Variants in XPC observed in about 807,000 individuals in gnomAD.
XPC encodes XPC complex subunit, DNA damage recognition and repair factor.
In XPC, 76 loss-of-function variants were observed where a neutral mutation model predicts 95.8. The ratio of observed to expected loss-of-function variants is 0.79; its 90% CI spans 0.66 to 0.96. The LOEUF (loss-of-function observed/expected upper bound fraction) is 0.96, where lower values mean the gene tolerates loss of function less well. Among genes scored for constraint, XPC ranks in the 40% least tolerant of loss-of-function variants. The pLI, the probability that XPC is intolerant of heterozygous loss-of-function variation, is 0.00. For synonymous variants in XPC, 442 were observed against 442.1 expected, an observed-to-expected ratio of 1.00 and a Z score of 0.00; for missense variants, 1,146 against 1,179.8, an observed-to-expected ratio of 0.97 and a Z score of 0.42.
chr3:14,145,187 A>G lies in XPC; in HGVS notation c.*754T>C. 1.9e-6 allele frequency: 1 copy of G among 524,604 alleles called. No homozygotes were observed. The highest frequency in any genetic ancestry group is 3.4e-6 in the Non-Finnish European group (1 of 296,162). 32.5% of individuals were successfully genotyped at this position (524,604 alleles called of 1,614,324 possible). ...TATTATTTTCTCAAAATGTTATAAA[A>G]GTCATTTCTCCTTAGTACAGAGAGC... On this transcript the variant is annotated 3_prime_UTR_variant, in exon 16 of 16. Coordinates refer to ENST00000285021, the MANE Select transcript of XPC (RefSeq NM_004628.5).
Position 14,168,374 on chromosome 3 carries a change from C to G in XPC, c.419G>C (p.Ser140Thr). Reference sequence around the variant, plus strand: ...TCTCACGTCACCCAGCACAGGCTCACTAAGTTCTATCAACAAGCATTTTTA... The same window carrying G: ...TCTCACGTCACCCAGCACAGGCTCAGTAAGTTCTATCAACAAGCATTTTTA... ...ENDWEEVEEL[S>T]EPVLGDVRES... The change falls in exon 4 of 16, where the codon AGT becomes ACT. Residue 140 changes from serine to threonine, a missense_variant. Physicochemically the swap from Ser to Thr is moderately conservative, Grantham distance 58. Coordinates refer to ENST00000285021, the MANE Select transcript of XPC (RefSeq NM_004628.5). 1 of 1,613,840 alleles carries G rather than the reference C, an allele frequency of 6.2e-7. No individual in the cohort carries two copies. Among genetic ancestry groups the G allele is most frequent in the Non-Finnish European group, 8.5e-7 (1 of 1,179,830 alleles).
At position 14,164,797 on chromosome 3, in the gene XPC, C is replaced by A. The variant is rs1553606592; in HGVS notation, c.900+16G>T. 1 of 1,611,466 alleles carries A rather than the reference C, an allele frequency of 6.2e-7. No homozygotes were observed. The highest frequency in any genetic ancestry group is 8.5e-7 in the Non-Finnish European group (1 of 1,178,902). ...ACAGTACTGATAAAAAACAGTGATC[C>A]GGGAGGATCACTTACATGGACCAAT... On this transcript the variant is annotated intron_variant, in intron 7 of 15. Coordinates refer to ENST00000285021, the MANE Select transcript of XPC (RefSeq NM_004628.5).
intron 15 of XPC, 86 bp from the exon 16 acceptor site, chr3:14,146,245 A>C (rs1374285279): frequency 1.6e-6 from 2 of 1,258,656 alleles, no homozygotes; most frequent in Non-Finnish European, 2.2e-6. Context: ...GCAAGTTCCC[A>C]GCCTGCCCTA....
chr3:14,160,087 C>A lies in XPC; in HGVS notation c.901-257G>T, dbSNP rs566383120. Among the ~76,000 whole-genome samples the A allele has an allele frequency of 3.9e-5, 6 of 152,222 alleles. No homozygotes were observed. In the East Asian group the frequency reaches 9.6e-4, roughly 24 times the overall value. On this transcript the variant is annotated intron_variant, in intron 7 of 15. Transcript: ENST00000285021. Reference sequence around the variant, plus strand: ...TCCTTTAAAAAGTATGATGTGATTACATTTTTATAAGAAAAATATGTATAT... The same window carrying A: ...TCCTTTAAAAAGTATGATGTGATTAAATTTTTATAAGAAAAATATGTATAT...
chr3:14,176,016 T>C (rs1400868850), intron 1 of XPC, among the ~76,000 whole-genome samples: 1 of 152,190 alleles, frequency 6.6e-6, no homozygotes, highest in African/African-American at 2.4e-5. Context: ...TTACCTAACA[T>C]GGGTAAAGCT....
chr3:14,155,463 T>A (rs1403303044), intron 10 of XPC, among the ~76,000 whole-genome samples: 2 of 152,132 alleles, frequency 1.3e-5, no homozygotes, highest in Admixed American at 6.5e-5. Flanking sequence ...TAATTTTATA[T>A]ATATTTTATT....
At chr3:14,175,211 T>C (rs1418531105) in intron 1 of XPC, among the ~76,000 whole-genome samples, 1 of 152,156 alleles carries the variant, frequency 6.6e-6, no homozygotes, top group Non-Finnish European at 1.5e-5. Context: ...CTAGAACTCT[T>C]TTCCCCAGAA....
In XPC at chr3:14,158,593, A is replaced by G. The variant is rs1696032331; in HGVS notation, c.1290T>C (p.Tyr430=). The change falls in exon 9 of 16, where the codon TAT becomes TAC. Residue 430 remains tyrosine (Y), a synonymous_variant. Coordinates refer to ENST00000285021, the MANE Select transcript of XPC (RefSeq NM_004628.5). This position sits in a 1 kb window ranked among gnomAD's most constrained non-coding sequence, Gnocchi z 5.2. The part of the protein sequence containing the change: ...RERRVASRVS[Y]KEESGSDEAG... The stretch of plus-strand genomic sequence containing the variant: ...CCTCATCACTCCCACTCTCCTCTTT[A>G]TAAGACACCCTGGAGGCCACCCGCC... The G allele has an allele frequency of 3.7e-6, 6 of 1,613,500 alleles. No individual in the cohort carries two copies. The East Asian group carries it at 6.7e-5, about 18-fold the overall frequency.
rs1188035905 is a variant in XPC, at chr3:14,145,159, CTTTA to C, written c.*778_*781del. 6.1e-6 allele frequency: 3 copies of C among 492,652 alleles called. No individual in the cohort carries two copies. Among genetic ancestry groups the C allele is most frequent in the South Asian group, 6.4e-5 (2 of 31,294 alleles). The allele number at this position is 492,652 out of a possible 1,614,324, so 30.5% of individuals were successfully genotyped here. A position where few individuals can be genotyped will look rare whatever the true frequency, so the allele number is the denominator to read the frequency against. On this transcript the variant is annotated 3_prime_UTR_variant, in exon 16 of 16. Coordinates refer to ENST00000285021, the MANE Select transcript of XPC (RefSeq NM_004628.5). ...ATAGAGCCAAATCTTTAGATAAATG[CTTTA>C]TTATTTTCTCAAAATGTTATAAAAG... is the stretch of plus-strand genomic sequence containing the variant.
chr3:14,145,278 C>A lies in XPC; in HGVS notation c.*663G>T, dbSNP rs1481930741. The A allele has an allele frequency of 5.8e-6, 4 of 695,170 alleles. No individual in the cohort carries two copies. The highest frequency in any genetic ancestry group is 1.0e-5 in the Non-Finnish European group (4 of 382,176). 43.1% of individuals were successfully genotyped at this position (695,170 alleles called of 1,614,324 possible). A position where few individuals can be genotyped will look rare whatever the true frequency, so the allele number is the denominator to read the frequency against. On this transcript the variant is annotated 3_prime_UTR_variant, in exon 16 of 16. Transcript: ENST00000285021. ...CACTCATCTATTTTACTAACATTTC[C>A]TTAATTTTCAATTCGTATTTTTCCT...
chr3:14,174,022 T>G (rs115915381), intron 1 of XPC, among the ~76,000 whole-genome samples: 3,468 of 152,286 alleles, frequency 0.023, 124 homozygotes, highest in African/African-American at 0.078. Context: ...GGTATTTATA[T>G]TCCACAAGAA....
chr3:14,165,080 C>A, intron 6 of XPC, 147 bp from the exon 7 acceptor site: 1 of 1,271,604 alleles, frequency 7.9e-7, no homozygotes, highest in East Asian at 2.6e-5. Context: ...TAACTCCTAT[C>A]ATCACTGCAG....
chr3:14,166,976 C>T lies in XPC; in HGVS notation c.621+193G>A, dbSNP rs3731101. 2.0e-3 allele frequency among the ~76,000 whole-genome samples: 310 copies of T among 152,308 alleles called. 1 individual carries two copies. The highest frequency in any genetic ancestry group is 7.1e-3 in the African/African-American group (294 of 41,572). On this transcript the variant is annotated intron_variant, in intron 5 of 15. Transcript: ENST00000285021. ...AGGCATTGTGCTGCAAGTTACCTTA[C>T]CTATAATACACAACCACCCTCCAAG...
At position 14,167,257 on chromosome 3, in the gene XPC, C is replaced by A; in HGVS notation, c.537-4G>T. ...AAACTCCAGTTTTATCTTTTCACTGCAACAAATAGTGAAAAATCTGGGAAT... is the reference window on the plus strand; with the variant it reads ...AAACTCCAGTTTTATCTTTTCACTGAAACAAATAGTGAAAAATCTGGGAAT... On this transcript the variant is annotated splice_region_variant and splice_polypyrimidine_tract_variant and intron_variant, in intron 4 of 15. Coordinates refer to ENST00000285021, the MANE Select transcript of XPC (RefSeq NM_004628.5). 6.2e-7 allele frequency: 1 copy of A among 1,609,668 alleles called. No homozygotes were observed. Among genetic ancestry groups the A allele is most frequent in the Non-Finnish European group, 8.5e-7 (1 of 1,177,864 alleles).
chr3:14,146,895 CTG>C (rs879692212), intron 15 of XPC, among the ~76,000 whole-genome samples: 3 of 152,198 alleles, frequency 2.0e-5, no homozygotes, highest in Non-Finnish European at 4.4e-5. Context: ...ATGGCAGGTG[CTG>C]TGAGAGAGGT....
Position 14,156,329 on chromosome 3 carries a change from A to AGTG in XPC, c.2033+5_2033+6insCAC, listed in dbSNP as rs1695902778. 1 of 1,608,982 alleles carries AGTG rather than the reference A, an allele frequency of 6.2e-7. No individual in the cohort carries two copies. The highest frequency in any genetic ancestry group is 1.3e-5 in the African/African-American group (1 of 74,842). On this transcript the variant is annotated splice_donor_region_variant and intron_variant, in intron 10 of 15. Coordinates refer to ENST00000285021, the MANE Select transcript of XPC (RefSeq NM_004628.5). ...CCCCTGAGGCCAACCAGGCTGCCTC[A>AGTG]CGCACCTGGAGTAGACCGCTTCTCC...
chr3:14,158,766 C>T lies in XPC; in HGVS notation c.1117G>A (p.Ala373Thr). ...SKGTKQEETF[A>T]KGTCRPSAKG... ...GCACTTGGCCTGCAGGTGCCCTTAGCAAAGGTTTCCTCTTGTTTGGTTCCT... is the reference window on the plus strand; with the variant it reads ...GCACTTGGCCTGCAGGTGCCCTTAGTAAAGGTTTCCTCTTGTTTGGTTCCT... The change falls in exon 9 of 16, where the codon GCT (alanine) becomes ACT (threonine). Residue 373 changes from alanine (A) to threonine (T), a missense_variant. Transcript: ENST00000285021. The surrounding 1 kb of genome is among the most constrained non-coding windows in gnomAD (Gnocchi z 5.2). 7 of 1,613,926 alleles carry T rather than the reference C, an allele frequency of 4.3e-6. No homozygotes were observed. Among genetic ancestry groups the T allele is most frequent in the Non-Finnish European group, 5.9e-6 (7 of 1,179,896 alleles).
At chr3:14,172,505 C>T (rs1011414724) in intron 2 of XPC, among the ~76,000 whole-genome samples, 15 of 152,028 alleles carry the variant, frequency 9.9e-5, no homozygotes, top group Middle Eastern at 3.2e-3. Flanking sequence ...TCAGGTGGGC[C>T]GGAGAAGAGC....
intron 7 of XPC, among the ~76,000 whole-genome samples, chr3:14,163,329 C>G (rs1406235018): frequency 6.6e-6 from 1 of 152,142 alleles, no homozygotes; most frequent in Non-Finnish European, 1.5e-5. Flanking sequence ...CTCTTCACAA[C>G]AGCCACAAGG....
Sources: gnomAD v4.1 joint callset for allele counts (sites outside exome capture counted in the v4.1 genomes callset) on GRCh38, gnomAD v4.1.1 for gene constraint, Gnocchi (gnomAD v3.1) non-coding constraint, MANE v1.5 for transcripts, NCBI Gene and HGNC (gene_info 2026-07-23, HGNC 2026-07-21) for gene names.